TSHR: variants seen among roughly 807,000 people sequenced by gnomAD.
TSHR encodes the protein thyrotropin receptor.
TSHR carries 51 observed loss-of-function variants against 64.1 expected under a neutral mutation model. The observed-to-expected ratio is 0.80, with a 90% CI of 0.64 to 1.01. TSHR has a LOEUF of 1.01. Among genes scored for constraint, TSHR ranks in the 50% least tolerant of loss-of-function variants. The pLI, the probability that TSHR is intolerant of heterozygous loss-of-function variation, is 0.00. For synonymous variants in TSHR, 361 were observed against 361.9 expected (o/e 1.00, Z 0.03); for missense variants, 877 against 942.8 (o/e 0.93, Z 0.91).
chr14:80,956,620 T>C lies in TSHR; in HGVS notation c.170+770T>C, dbSNP rs193229373. 2.3e-3 allele frequency among the ~76,000 whole-genome samples: 350 copies of C among 152,222 alleles called. 4 individuals are homozygous for C. Among genetic ancestry groups the C allele is most frequent in the African/African-American group, 8.0e-3 (332 of 41,524 alleles). On this transcript the variant is annotated intron_variant, in intron 1 of 9. Transcript: ENST00000298171. The stretch of plus-strand genomic sequence containing the variant: ...AGGGAATAAAGTCTGTCTTGATTAG[T>C]TAAAAAGAGAACAGAAAGAAAGGAC...
chr14:81,118,628 TC>T (rs1398405871), intron 8 of TSHR, among the ~76,000 whole-genome samples: 1 of 151,980 alleles, frequency 6.6e-6, no homozygotes, highest in Non-Finnish European at 1.5e-5. Context: ...TTCAATGCCA[TC>T]CCCATCAAGC....
rs770546136 is a variant in TSHR, at chr14:81,139,747, C to T, written c.761C>T (p.Ala254Val). Residue 254 changes from alanine (A) to valine (V), a missense_variant, in exon 9 of 10, where the codon GCA becomes GTA. Ala to Val is a moderately conservative substitution (Grantham distance 64). Transcript: ENST00000298171. Reference protein sequence around the residue: ...KGLEHLKELIARNTWTLKKLP... With the variant: ...KGLEHLKELIVRNTWTLKKLP... ...CTGGAGCACCTGAAGGAACTGATAG[C>T]AAGAAACACCTGGACTCTTAAGAAA... is the stretch of plus-strand genomic sequence containing the variant. 7 of 1,614,220 alleles carry T rather than the reference C, an allele frequency of 4.3e-6. No homozygotes were observed. The South Asian group carries it at 5.5e-5, about 13-fold the overall frequency.
At position 81,143,556 on chromosome 14, in the gene TSHR, T is replaced by G. The variant is rs748838906; in HGVS notation, c.1498T>G (p.Phe500Val). ...CCCTGGGTGCAACACGGCTGGTTTC[T>G]TCACTGTCTTTGCAAGCGAGTTATC... is the stretch of plus-strand genomic sequence containing the variant. ...TGPGCNTAGF[F>V]TVFASELSVY... The change falls in exon 10 of 10, where the codon TTC (phenylalanine) becomes GTC (valine). Residue 500 changes from phenylalanine (F) to valine (V), a missense_variant. Physicochemically the swap from Phe to Val is conservative, Grantham distance 50. Transcript: ENST00000298171. 2 of 1,613,174 alleles carry G rather than the reference T, an allele frequency of 1.2e-6. No homozygotes were observed. The highest frequency in any genetic ancestry group is 2.7e-5 in the African/African-American group (2 of 74,932).
At chr14:81,045,120 T>C (rs1885114002) in intron 1 of TSHR, among the ~76,000 whole-genome samples, 1 of 152,172 alleles carries the variant, frequency 6.6e-6, no homozygotes, top group African/African-American at 2.4e-5. Flanking sequence ...AGTTGGAAGA[T>C]ACTATCCTCA....
chr14:81,005,596 T>C (rs1389492343), intron 1 of TSHR, among the ~76,000 whole-genome samples: 1 of 152,150 alleles, frequency 6.6e-6, no homozygotes, highest in East Asian at 1.9e-4. Flanking sequence ...TCTCAAGCTG[T>C]GGTGTTGTCT....
chr14:81,001,984 C>CA (rs1024493983), intron 1 of TSHR, among the ~76,000 whole-genome samples: 1 of 152,162 alleles, frequency 6.6e-6, no homozygotes, highest in Non-Finnish European at 1.5e-5. Flanking sequence ...TCCTTAAACA[C>CA]AAGTCCAAAA....
At chr14:80,979,333 A>G (rs185821854) in intron 1 of TSHR, among the ~76,000 whole-genome samples, 138 of 110,960 alleles carry the variant, frequency 1.2e-3, no homozygotes, top group Non-Finnish European at 2.4e-3. Flanking sequence ...ATAGAAGCAG[A>G]GAGTAGGATA....
At chr14:81,033,299 G>T in intron 1 of TSHR, 1 of 422,034 alleles carries the variant, frequency 2.4e-6, no homozygotes. Flanking sequence ...AATTTGTACA[G>T]CTCCAAGAGT....
intron 1 of TSHR, among the ~76,000 whole-genome samples, chr14:81,019,621 C>A (rs973604354): frequency 2.6e-5 from 4 of 151,850 alleles, no homozygotes; most frequent in Non-Finnish European, 5.9e-5. Flanking sequence ...CCTCCCACCC[C>A]CCAACAGGCC....
chr14:81,092,436 T>C, intron 5 of TSHR, 95 bp from the exon 6 acceptor site: 1 of 1,089,688 alleles, frequency 9.2e-7, no homozygotes, highest in Non-Finnish European at 1.4e-6. Context: ...TAAGCTATAT[T>C]GTGTCCTGTT....
intron 1 of TSHR, chr14:80,991,868 G>A (rs1888741777): frequency 6.2e-6 from 2 of 321,126 alleles, no homozygotes; most frequent in Non-Finnish European, 1.1e-5. Context: ...ATATCTGAGG[G>A]CACTAGGTGA....
At chr14:81,090,765 G>A (rs28701517) in intron 4 of TSHR, among the ~76,000 whole-genome samples, 32,056 of 151,728 alleles carry the variant, frequency 0.21, 4,582 homozygotes, top group African/African-American at 0.41. Context: ...ACACACACAC[G>A]AAAACTGAAT....
Position 81,103,903 on chromosome 14 carries a change from A to T in TSHR, c.615-4472A>T. 1.0e-6 allele frequency: 1 copy of T among 985,462 alleles called. No homozygotes were observed. The highest frequency in any genetic ancestry group is 1.2e-6 in the Non-Finnish European group (1 of 829,932). The allele number at this position is 985,462 out of a possible 1,614,324, so 61.0% of individuals were successfully genotyped here. On this transcript the variant is annotated intron_variant, in intron 7 of 9. Transcript: ENST00000298171. This position sits in a 1 kb window ranked among gnomAD's most constrained non-coding sequence, Gnocchi z 4.1. ...AGGCAGGAATAAAAATACCATTTTG[A>T]TATGCTAAGAGCCCACCAATACACT...
intron 3 of TSHR, among the ~76,000 whole-genome samples, chr14:81,073,780 G>A (rs945531497): frequency 6.6e-6 from 1 of 152,070 alleles, no homozygotes; most frequent in Admixed American, 6.6e-5. Context: ...ATATAATAGA[G>A]CAGTACATTA....
intron 2 of TSHR, 38 bp downstream of exon 2, chr14:81,062,257 G>T: frequency 6.7e-7 from 1 of 1,488,740 alleles, no homozygotes; most frequent in South Asian, 1.1e-5. Context: ...TTGCATTTGT[G>T]ATATGTTATT....
intron 2 of TSHR, among the ~76,000 whole-genome samples, chr14:81,066,676 G>A (rs1372764084): frequency 6.6e-6 from 1 of 152,148 alleles, no homozygotes; most frequent in Non-Finnish European, 1.5e-5. Flanking sequence ...CTACACATTA[G>A]AATTGGCTAA....
chr14:81,068,260 A>G lies in TSHR; in HGVS notation c.249A>G (p.Val83=). Residue 83 remains valine (V), a synonymous_variant, in exon 3 of 10, where the codon GTA becomes GTG. Transcript: ENST00000298171. ...ATATTTTTCTGACATTCAGCTACGT[A>G]TCTATAGATGTGACTCTGCAGCAGC... ...SNLPNISRIY[V]SIDVTLQQLE... 3 of 1,612,936 alleles carry G rather than the reference A, an allele frequency of 1.9e-6. No homozygotes were observed. Among genetic ancestry groups the G allele is most frequent in the Non-Finnish European group, 2.5e-6 (3 of 1,179,262 alleles).
chr14:81,014,455 T>C (rs1191514816), intron 1 of TSHR: 3 of 152,060 alleles, frequency 2.0e-5, no homozygotes, highest in Admixed American at 1.3e-4. Context: ...AACAGATGAG[T>C]AGAGTGCCTG....
At chr14:80,982,292 A>G (rs1888212624) in intron 1 of TSHR, 1 of 908,602 alleles carries the variant, frequency 1.1e-6, no homozygotes, top group East Asian at 2.9e-5. Context: ...TCCACATGTA[A>G]AAATGGGGCT....
Sources: allele counts gnomAD v4.1 joint callset (sites outside exome capture counted in the v4.1 genomes callset), GRCh38; gene constraint gnomAD v4.1.1; non-coding constraint Gnocchi (gnomAD v3.1); transcripts MANE v1.5; gene names NCBI Gene and HGNC (gene_info 2026-07-23, HGNC 2026-07-21).